SLC66A2: variants seen among roughly 807,000 people sequenced by gnomAD.
SLC66A2 encodes PQ loop repeat containing 1.
SLC66A2 carries 23 observed loss-of-function variants against 25.5 expected under a neutral mutation model. That is an observed-to-expected ratio of 0.90 (90% confidence interval 0.65 to 1.28). The LOEUF (loss-of-function observed/expected upper bound fraction) is 1.28. SLC66A2 is among the 50% of genes most tolerant of loss of function. The probability of loss-of-function intolerance (pLI) is 0.00; values close to 1 mark genes in which losing one functional copy is unlikely to be tolerated. For synonymous variants in SLC66A2, 193 were observed against 166.5 expected (o/e 1.16, Z -1.23); for missense variants, 396 against 373.1 (o/e 1.06, Z -0.51).
Position 79,902,956 on chromosome 18 carries a change from AC to A in SLC66A2, c.*1019del. On this transcript the variant is annotated 3_prime_UTR_variant, in exon 6 of 6. Coordinates refer to ENST00000397778, the MANE Select transcript of SLC66A2 (RefSeq NM_025078.5). Reference sequence around the variant, plus strand: ...AGGACAGGATGCGGCAGGCCCCAGTACCCCCCACTCAGGAATTTGCTTCAGG... The same window carrying A: ...AGGACAGGATGCGGCAGGCCCCAGTACCCCCACTCAGGAATTTGCTTCAGG... 1 of 152,902 alleles carries A rather than the reference AC, an allele frequency of 6.5e-6. No individual in the cohort carries two copies. Among genetic ancestry groups the A allele is most frequent in the Non-Finnish European group, 1.5e-5 (1 of 68,686 alleles). 9.5% of individuals were successfully genotyped at this position (152,902 alleles called of 1,614,324 possible).
chr18:79,909,301 G>C (rs894320141), intron 5 of SLC66A2, among the ~76,000 whole-genome samples: 3 of 152,168 alleles, frequency 2.0e-5, no homozygotes, highest in Admixed American at 6.5e-5. Flanking sequence ...CAATGACACT[G>C]AGTTCACAAA....
chr18:79,942,795 A>G (rs1987791396), intron 3 of SLC66A2, among the ~76,000 whole-genome samples: 1 of 152,224 alleles, frequency 6.6e-6, no homozygotes, highest in Non-Finnish European at 1.5e-5. Flanking sequence ...TGTGCTAAGC[A>G]TGTGATTGGT....
intron 4 of SLC66A2, among the ~76,000 whole-genome samples, chr18:79,924,121 G>A (rs1463465489): frequency 3.9e-5 from 6 of 152,154 alleles, no homozygotes; most frequent in African/African-American, 1.4e-4. Context: ...CCGGGCCGGC[G>A]GAGAGGCTCC....
intron 2 of SLC66A2, 25 bp downstream of exon 2, chr18:79,950,699 C>G (rs779687354): frequency 6.2e-7 from 1 of 1,611,594 alleles, no homozygotes; most frequent in East Asian, 2.2e-5. Flanking sequence ...CGGGTGCAGC[C>G]CAGGAAAGCA....
chr18:79,947,497 C>T (rs549114580), intron 2 of SLC66A2, among the ~76,000 whole-genome samples: 1 of 152,372 alleles, frequency 6.6e-6, no homozygotes, highest in African/African-American at 2.4e-5. Flanking sequence ...AGGACCATGC[C>T]CCAACAGCTT....
intron 5 of SLC66A2, among the ~76,000 whole-genome samples, chr18:79,916,403 C>T (rs1031108727): frequency 2.6e-5 from 4 of 152,146 alleles, no homozygotes; most frequent in Non-Finnish European, 5.9e-5. Flanking sequence ...TGACCTTTTG[C>T]CCTCTGTTCA....
chr18:79,943,356 G>T lies in SLC66A2; in HGVS notation c.310C>A (p.Leu104Ile). 1 of 1,614,182 alleles carries T rather than the reference G, an allele frequency of 6.2e-7. No individual in the cohort carries two copies. Among genetic ancestry groups the T allele is most frequent in the Non-Finnish European group, 8.5e-7 (1 of 1,180,028 alleles). ...GTAAAGGAGCGGCGCCTGGCGTTGAGCTCGTTGGCCACACGGACCTCGGTG... is the reference window on the plus strand; with the variant it reads ...GTAAAGGAGCGGCGCCTGGCGTTGATCTCGTTGGCCACACGGACCTCGGTG... ...LCTEVRVANE[L>I]NARRRSFTAA... Residue 104 changes from leucine (L) to isoleucine (I), a missense_variant, in exon 3 of 6, where the codon CTC becomes ATC. Physicochemically the swap from Leu to Ile is conservative, Grantham distance 5 (BLOSUM62 2). Coordinates refer to ENST00000397778, the MANE Select transcript of SLC66A2 (RefSeq NM_025078.5).
At chr18:79,934,161 C>G (rs1160846856) in intron 3 of SLC66A2, 139 bp from the exon 4 acceptor site, 1 of 742,622 alleles carries the variant, frequency 1.3e-6, no homozygotes, top group Non-Finnish European at 2.2e-6. Context: ...ATAGAAAGAT[C>G]ACAAGATTTT....
chr18:79,908,861 T>C (rs868022144), intron 5 of SLC66A2, among the ~76,000 whole-genome samples: 2 of 152,390 alleles, frequency 1.3e-5, no homozygotes, highest in Middle Eastern at 6.8e-3. Flanking sequence ...AAACTTCTAT[T>C]TCTCTATGGA....
chr18:79,914,868 C>G (rs1983762899), intron 5 of SLC66A2, among the ~76,000 whole-genome samples: 1 of 152,264 alleles, frequency 6.6e-6, no homozygotes, highest in African/African-American at 2.4e-5. Flanking sequence ...CCTGCAGGCC[C>G]TGCCTTGCCC....
intron 4 of SLC66A2, among the ~76,000 whole-genome samples, chr18:79,932,689 A>G (rs1986693150): frequency 1.3e-5 from 2 of 152,174 alleles, no homozygotes; most frequent in African/African-American, 2.4e-5. Flanking sequence ...AAGAAAAATT[A>G]TATGTCAACA....
intron 2 of SLC66A2, among the ~76,000 whole-genome samples, chr18:79,946,677 C>T (rs977124734): frequency 6.6e-6 from 1 of 152,206 alleles, no homozygotes; most frequent in Non-Finnish European, 1.5e-5. Flanking sequence ...CACAGAAAAA[C>T]TCAAGCAGGG....
At position 79,919,233 on chromosome 18, in the gene SLC66A2, C is replaced by G; in HGVS notation, c.559G>C (p.Val187Leu). ...LAVLTEAMLGVPQLYRNHRHQ... is the reference protein window; with the variant it reads ...LAVLTEAMLGLPQLYRNHRHQ... ...CGGTGGTTGCGGTAAAGCTGGGGCA[C>G]ACCCAGCATGGCTTCGGTCAGCACA... The change falls in exon 5 of 6, where the codon GTG becomes CTG. Residue 187 changes from valine to leucine, a missense_variant. Coordinates refer to ENST00000397778, the MANE Select transcript of SLC66A2 (RefSeq NM_025078.5). 1 of 1,613,212 alleles carries G rather than the reference C, an allele frequency of 6.2e-7. No individual in the cohort carries two copies. Among genetic ancestry groups the G allele is most frequent in the Non-Finnish European group, 8.5e-7 (1 of 1,180,016 alleles).
chr18:79,911,913 G>A (rs527419932), intron 5 of SLC66A2, among the ~76,000 whole-genome samples: 2 of 130,010 alleles, frequency 1.5e-5, no homozygotes, highest in African/African-American at 2.9e-5. Flanking sequence ...ACAGGAGTGG[G>A]GGGGACGGGA....
intron 5 of SLC66A2, 136 bp downstream of exon 5, chr18:79,919,048 A>AT: frequency 1.2e-6 from 1 of 808,272 alleles, no homozygotes; most frequent in East Asian, 2.7e-5. Flanking sequence ...TAAACCTGCT[A>AT]TTCTTTAACC....
At chr18:79,914,428 C>T (rs1320563107) in intron 5 of SLC66A2, among the ~76,000 whole-genome samples, 4 of 152,192 alleles carry the variant, frequency 2.6e-5, no homozygotes, top group Non-Finnish European at 5.9e-5. Context: ...GAACCTGAGA[C>T]GTCTCTGACC....
chr18:79,923,817 G>A (rs942173696), intron 4 of SLC66A2, among the ~76,000 whole-genome samples: 1 of 152,214 alleles, frequency 6.6e-6, no homozygotes, highest in African/African-American at 2.4e-5. Flanking sequence ...GGAGGTTGAG[G>A]TGGGAGAATC....
chr18:79,943,305 T>G, intron 3 of SLC66A2, 24 bp downstream of exon 3: 1 of 1,612,048 alleles, frequency 6.2e-7, no homozygotes, highest in Non-Finnish European at 8.5e-7. Flanking sequence ...CCTGCGACTT[T>G]ATTCCGAAGC....
At chr18:79,907,350 GTTGT>G (rs1982275248) in intron 5 of SLC66A2, among the ~76,000 whole-genome samples, 1 of 85,748 alleles carries the variant, frequency 1.2e-5, no homozygotes, top group South Asian at 4.7e-4. Flanking sequence ...TTTTTTTTTG[GTTGT>G]TTTTTTTTTT....
Sources: allele counts gnomAD v4.1 joint callset (sites outside exome capture counted in the v4.1 genomes callset), GRCh38; gene constraint gnomAD v4.1.1; transcripts MANE v1.5; gene names NCBI Gene and HGNC (gene_info 2026-07-23, HGNC 2026-07-21).